Variants in AMBN observed in about 807,000 individuals in gnomAD.
AMBN encodes the protein ameloblastin, also known as enamel matrix protein.
In AMBN, 54 loss-of-function variants were observed where a neutral mutation model predicts 48.0. That is an observed-to-expected ratio of 1.12 (90% CI 0.90 to 1.41). AMBN has a LOEUF of 1.41. Ranked by LOEUF, AMBN falls within the 40% of genes most tolerant of loss-of-function variation. The pLI, the probability that AMBN is intolerant of heterozygous loss-of-function variation, is 0.00. For missense variants in AMBN, 571 were observed against 547.3 expected, an observed-to-expected ratio of 1.04 and a Z score of -0.43; for synonymous variants, 186 against 190.0, an observed-to-expected ratio of 0.98 and a Z score of 0.17.
At chr4:70,594,227 T>C (rs1737342310) in intron 2 of AMBN, among the ~76,000 whole-genome samples, 1 of 152,216 alleles carries the variant, frequency 6.6e-6, no homozygotes, top group East Asian at 1.9e-4. Context: ...AATCAAAACA[T>C]ATCATAGTGA....
intron 1 of AMBN, 102 bp downstream of exon 1, chr4:70,592,475 T>G: frequency 7.8e-7 from 1 of 1,290,034 alleles, no homozygotes; most frequent in Non-Finnish European, 1.1e-6. Flanking sequence ...TTGTCACCAG[T>G]AGCTGAATTA....
intron 3 of AMBN, among the ~76,000 whole-genome samples, 184 bp downstream of exon 3, chr4:70,597,233 C>T (rs1055661082): frequency 1.3e-5 from 2 of 152,124 alleles, no homozygotes; most frequent in Non-Finnish European, 2.9e-5. Context: ...CAGTTTTAAA[C>T]TCTCAGGTGT....
chr4:70,594,027 T>A (rs1737335900), intron 2 of AMBN, among the ~76,000 whole-genome samples: 1 of 152,196 alleles, frequency 6.6e-6, no homozygotes, highest in Non-Finnish European at 1.5e-5. Context: ...CTTATTGCTA[T>A]CATTATAAAG....
rs184170430 is a variant in AMBN, at chr4:70,592,796, C to G, written c.15+423C>G. Among the ~76,000 whole-genome samples, 107 of 152,236 alleles carry G rather than the reference C, an allele frequency of 7.0e-4. 1 individual carries two copies. The highest frequency in any genetic ancestry group is 6.8e-3 in the Middle Eastern group (2 of 294). ...AGAAAATTAAGATAGCCAATTTACT[C>G]TCATTTGAAAAGAAAAATTTTGTCA... On this transcript the variant is annotated intron_variant, in intron 1 of 12. Coordinates refer to ENST00000322937, the MANE Select transcript of AMBN (RefSeq NM_016519.6).
rs755021007 is a variant in AMBN at position 70,606,360 on chromosome 4, G to C, written c.974G>C (p.Gly325Ala). 1.2e-6 allele frequency: 2 copies of C among 1,614,004 alleles called. No individual in the cohort carries two copies. The highest frequency in any genetic ancestry group is 2.2e-5 in the East Asian group (1 of 44,806). ...GPENEEGGAQ[G>A]SPMPEANPDN... ...GAGAACGAAGAAGGAGGTGCACAAG[G>C]CTCCCCTATGCCGGAGGCCAACCCA... Residue 325 changes from glycine (G) to alanine (A), a missense_variant, in exon 13 of 13, where the codon GGC (glycine) becomes GCC (alanine). Gly to Ala is a moderately conservative substitution (Grantham distance 60). Coordinates refer to ENST00000322937, the MANE Select transcript of AMBN (RefSeq NM_016519.6).
rs151127788 is a variant in AMBN, at chr4:70,601,130, A to C, written c.295-288A>C. Among the ~76,000 whole-genome samples the C allele has an allele frequency of 3.6e-3, 541 of 152,284 alleles. 3 individuals carry two copies. Among genetic ancestry groups the C allele is most frequent in the Non-Finnish European group, 5.9e-3 (402 of 68,034 alleles). ...AAAATAAAGATACAGATACATACAG[A>C]CAGCTATGGGAACTTAGAGAAGGAC... On this transcript the variant is annotated intron_variant, in intron 5 of 12. Coordinates refer to ENST00000322937, the MANE Select transcript of AMBN (RefSeq NM_016519.6).
chr4:70,593,527 G>A, intron 2 of AMBN, 132 bp downstream of exon 2: 1 of 749,456 alleles, frequency 1.3e-6, no homozygotes, highest in Non-Finnish European at 2.1e-6. Flanking sequence ...GTCCTATTGA[G>A]TCAAAAGCCA....
At chr4:70,604,901 G>C (rs1577957866) in intron 12 of AMBN, among the ~76,000 whole-genome samples, 1 of 151,868 alleles carries the variant, frequency 6.6e-6, no homozygotes, top group East Asian at 1.9e-4. Flanking sequence ...GCTGAGGCAG[G>C]AGAATCACTC....
chr4:70,596,955 G>C, intron 2 of AMBN, 44 bp from the exon 3 acceptor site: 1 of 1,585,642 alleles, frequency 6.3e-7, no homozygotes. Context: ...ATTGAAGGAA[G>C]TTTTGTACCA....
At chr4:70,592,770 AAG>A (rs1367345402) in intron 1 of AMBN, among the ~76,000 whole-genome samples, 14 of 152,208 alleles carry the variant, frequency 9.2e-5, no homozygotes, top group African/African-American at 3.4e-4. Context: ...ACTAACATCA[AAG>A]AAAATTAAGA....
At chr4:70,599,223 A>G (rs1374622347) in intron 4 of AMBN, among the ~76,000 whole-genome samples, 1 of 152,098 alleles carries the variant, frequency 6.6e-6, no homozygotes, top group Non-Finnish European at 1.5e-5. Context: ...TGGGCGGATC[A>G]TGAGGTCAAG....
In AMBN at chr4:70,606,484, G is replaced by C. The variant is rs773058826; in HGVS notation, c.1098G>C (p.Arg366Ser). 26 of 1,613,864 alleles carry C rather than the reference G, an allele frequency of 1.6e-5. No individual in the cohort carries two copies. Among genetic ancestry groups the C allele is most frequent in the Admixed American group, 3.3e-5 (2 of 59,990 alleles). ...AGGATGACATTCCCGGCCTGCCAAG[G>C]AGCCCTTCAGGGAAGATGAAGGGAC... is the stretch of plus-strand genomic sequence containing the variant. The part of the protein sequence containing the change: ...LPKDDIPGLP[R>S]SPSGKMKGLP... The change falls in exon 13 of 13, where the codon AGG becomes AGC. Residue 366 changes from arginine to serine, a missense_variant. By Grantham distance (110) the Arg-to-Ser change is moderately radical. Transcript: ENST00000322937.
At chr4:70,593,858 C>A (rs1737330816) in intron 2 of AMBN, among the ~76,000 whole-genome samples, 1 of 109,868 alleles carries the variant, frequency 9.1e-6, no homozygotes, top group African/African-American at 4.5e-5. Flanking sequence ...GAGTGAGACT[C>A]CATTTAAAAA....
intron 12 of AMBN, among the ~76,000 whole-genome samples, chr4:70,605,610 A>G (rs1472378634): frequency 6.6e-6 from 1 of 151,924 alleles, no homozygotes; most frequent in Non-Finnish European, 1.5e-5. Context: ...TTTTTTTCTT[A>G]AACTTTGTGC....
intron 3 of AMBN, among the ~76,000 whole-genome samples, 189 bp from the exon 4 acceptor site, chr4:70,598,167 G>A (rs569712208): frequency 2.0e-5 from 3 of 152,240 alleles, no homozygotes; most frequent in Non-Finnish European, 2.9e-5. Flanking sequence ...TATTTTAATA[G>A]CAATAATAAT....
At chr4:70,593,238 G>A in intron 1 of AMBN, 89 bp from the exon 2 acceptor site, 1 of 1,035,578 alleles carries the variant, frequency 9.7e-7, no homozygotes. Context: ...TGTAAGAGCA[G>A]AGACTCAGGC....
chr4:70,604,153 C>G (rs886738960), intron 12 of AMBN, among the ~76,000 whole-genome samples: 4 of 152,126 alleles, frequency 2.6e-5, no homozygotes, highest in African/African-American at 9.7e-5. Context: ...AGTTTTGCCC[C>G]ATTGCTTGTA....
chr4:70,603,849 AT>A (rs1436012609), intron 11 of AMBN, 27 bp from the exon 12 acceptor site: 1 of 1,613,586 alleles, frequency 6.2e-7, no homozygotes, highest in African/African-American at 1.3e-5. Flanking sequence ...CTGGTTCGTA[AT>A]TTGACGCAAT....
In AMBN at chr4:70,598,339, C is replaced by G; in HGVS notation, c.136-17C>G. 1 of 1,552,732 alleles carries G rather than the reference C, an allele frequency of 6.4e-7. No individual in the cohort carries two copies. The highest frequency in any genetic ancestry group is 1.3e-5 in the South Asian group (1 of 79,794). ...AGCATATGCGATAAACAGTAACCCACTTTTTTTTCTTGATAGACAATGAGA... is the reference window on the plus strand; with the variant it reads ...AGCATATGCGATAAACAGTAACCCAGTTTTTTTTCTTGATAGACAATGAGA... On this transcript the variant is annotated splice_polypyrimidine_tract_variant and intron_variant, in intron 3 of 12. Coordinates refer to ENST00000322937, the MANE Select transcript of AMBN (RefSeq NM_016519.6).
Sources: allele counts gnomAD v4.1 joint callset (sites outside exome capture counted in the v4.1 genomes callset), GRCh38; gene constraint gnomAD v4.1.1; transcripts MANE v1.5; gene names NCBI Gene and HGNC (gene_info 2026-07-23, HGNC 2026-07-21).